The following STX5 variants were observed in gnomAD, a reference collection of about 807,000 sequenced individuals.
STX5 encodes the protein syntaxin 5, also known as syntaxin-5.
A neutral mutation model predicts 42.9 loss-of-function variants in STX5; 15 were observed. The ratio of observed to expected loss-of-function variants is 0.35; its 90% CI spans 0.23 to 0.54. The LOEUF (loss-of-function observed/expected upper bound fraction) is 0.54. Ranked by LOEUF, STX5 falls within the 20% of genes least tolerant of loss-of-function variation. STX5 has a pLI of 0.91. For synonymous variants in STX5, 184 were observed against 173.2 expected (o/e 1.06, Z -0.49); for missense variants, 430 against 455.0 (o/e 0.95, Z 0.50).
rs779963977 is a variant in STX5, at chr11:62,824,467, C to G, written c.778G>C (p.Asp260His). The G allele has an allele frequency of 3.1e-6, 5 of 1,614,048 alleles. No homozygotes were observed. The highest frequency in any genetic ancestry group is 1.3e-5 in the African/African-American group (1 of 74,940). Residue 260 changes from aspartate to histidine, a missense_variant, in exon 9 of 11, where the codon GAC becomes CAC. Asp to His is a moderately conservative substitution (Grantham distance 81, BLOSUM62 -1). Coordinates refer to ENST00000294179, the MANE Select transcript of STX5 (RefSeq NM_003164.5). ...SRTSQQLQLI[D>H]EQDSYIQSRA... Reference sequence around the variant, plus strand: ...GTTCAGAGCCTGGGTACCTGCTCGTCAATGAGCTGCAGCTGCTGGCTGGTC... The same window carrying G: ...GTTCAGAGCCTGGGTACCTGCTCGTGAATGAGCTGCAGCTGCTGGCTGGTC...
At chr11:62,812,137 G>A (rs1208083972) in intron 10 of STX5, among the ~76,000 whole-genome samples, 1 of 147,618 alleles carries the variant, frequency 6.8e-6, no homozygotes, top group Non-Finnish European at 1.5e-5. Context: ...GAGTGCAATG[G>A]TGCGATCTCA....
chr11:62,823,053 C>T (rs759997002), intron 10 of STX5, among the ~76,000 whole-genome samples: 1 of 152,190 alleles, frequency 6.6e-6, no homozygotes, highest in Non-Finnish European at 1.5e-5. Context: ...GCTGTCTCCT[C>T]GGCCTAGAAC....
intron 8 of STX5, among the ~76,000 whole-genome samples, chr11:62,824,795 CG>C (rs2084776846): frequency 1.3e-5 from 2 of 151,074 alleles, no homozygotes; most frequent in African/African-American, 2.5e-5. Flanking sequence ...ATAAAGTGTA[CG>C]AAAAAAAATT....
Position 62,824,453 on chromosome 11 carries a change from G to A in STX5, c.786+6C>T, listed in dbSNP as rs756722859. ...GCTGATTCTACCTAGTTCAGAGCCT[G>A]GGTACCTGCTCGTCAATGAGCTGCA... On this transcript the variant is annotated splice_donor_region_variant and intron_variant, in intron 9 of 10. Coordinates refer to ENST00000294179, the MANE Select transcript of STX5 (RefSeq NM_003164.5). 5.0e-6 allele frequency: 8 copies of A among 1,614,080 alleles called. No homozygotes were observed. The highest frequency in any genetic ancestry group is 1.3e-5 in the African/African-American group (1 of 75,034).
chr11:62,813,257 G>A (rs762797944), intron 10 of STX5, among the ~76,000 whole-genome samples: 8 of 152,126 alleles, frequency 5.3e-5, no homozygotes. Context: ...CTGGGTGACA[G>A]AGTGAGACTG....
At chr11:62,814,800 G>T (rs1041265304) in intron 10 of STX5, among the ~76,000 whole-genome samples, 1 of 150,658 alleles carries the variant, frequency 6.6e-6, no homozygotes, top group Non-Finnish European at 1.5e-5. Context: ...CTCCATGTTG[G>T]TCAGGCTGGT....
At position 62,831,186 on chromosome 11, in the gene STX5, G is replaced by T; in HGVS notation, c.58C>A (p.Leu20Ile). ...KNTDQGVYLG[L>I]SKTQVLSPAT... is the part of the protein sequence containing the mutation. ...GGGGACAGGACCTGTGTCTTTGAGA[G>T]ACCCAGGTAGACACCCTGATCCGTG... Residue 20 changes from leucine (L) to isoleucine (I), a missense_variant, in exon 2 of 11, where the codon CTC becomes ATC. Leu to Ile is a conservative substitution (Grantham distance 5). Coordinates refer to ENST00000294179, the MANE Select transcript of STX5 (RefSeq NM_003164.5). 1 of 1,565,696 alleles carries T rather than the reference G, an allele frequency of 6.4e-7. No individual in the cohort carries two copies. Among genetic ancestry groups the T allele is most frequent in the South Asian group, 1.2e-5 (1 of 85,352 alleles).
At chr11:62,809,064 C>T (rs1048665320) in intron 10 of STX5, among the ~76,000 whole-genome samples, 10 of 147,548 alleles carry the variant, frequency 6.8e-5, no homozygotes, top group East Asian at 6.3e-4. Flanking sequence ...CGAGGCAGGC[C>T]GATCACGAAG....
chr11:62,808,704 G>A (rs192265852), intron 10 of STX5, among the ~76,000 whole-genome samples: 2 of 152,296 alleles, frequency 1.3e-5, no homozygotes, highest in Middle Eastern at 3.4e-3. Context: ...GGCTCTTGGA[G>A]CCAATGCCCC....
rs766289282 is a variant in STX5 at position 62,825,537 on chromosome 11, G to A, written c.426C>T (p.Asp142=). ...CAATTTGTTTGTTGAGGCTATTGAT[G>A]TCCTGGTAAAAGAGTCCAAGGAAAA... ...IEELTYIIKQ[D]INSLNKQIAQ... is the part of the protein sequence containing the mutation. Residue 142 remains aspartate, a splice_region_variant and synonymous_variant, in exon 6 of 11, where the codon GAC becomes GAT. Transcript: ENST00000294179. 7 of 1,613,258 alleles carry A rather than the reference G, an allele frequency of 4.3e-6. No homozygotes were observed. Among genetic ancestry groups the A allele is most frequent in the African/African-American group, 1.3e-5 (1 of 74,910 alleles).
At chr11:62,820,672 C>A (rs1260832702) in intron 10 of STX5, among the ~76,000 whole-genome samples, 2 of 151,520 alleles carry the variant, frequency 1.3e-5, no homozygotes, top group African/African-American at 2.4e-5. Context: ...CCACGCCCGG[C>A]TAATTTTTTG....
chr11:62,807,592 A>C lies in STX5; in HGVS notation c.945T>G (p.Val315=). ...TGAGGATCTCTGAATGGGCGGCCTC[A>C]ACGTCCAGCTGGGCTCCTAGCACGT... ...DENVLGAQLD[V]EAAHSEILKY... Residue 315 remains valine (V), a synonymous_variant, in exon 11 of 11, where the codon GTT becomes GTG. Transcript: ENST00000294179. 1.2e-6 allele frequency: 2 copies of C among 1,614,146 alleles called. No homozygotes were observed. The highest frequency in any genetic ancestry group is 1.7e-6 in the Non-Finnish European group (2 of 1,180,034).
At chr11:62,822,662 C>A (rs1053546448) in intron 10 of STX5, among the ~76,000 whole-genome samples, 7 of 151,018 alleles carry the variant, frequency 4.6e-5, no homozygotes, top group Non-Finnish European at 1.0e-4. Flanking sequence ...TTAGTTTATC[C>A]TGTGTTGACT....
At chr11:62,828,490 G>A (rs570859370) in intron 2 of STX5, among the ~76,000 whole-genome samples, 16 of 152,262 alleles carry the variant, frequency 1.1e-4, no homozygotes, top group Admixed American at 3.9e-4. Flanking sequence ...ACTTTGGAAA[G>A]CTGAGGCAGG....
At chr11:62,808,335 A>C (rs935161544) in intron 10 of STX5, among the ~76,000 whole-genome samples, 2 of 151,282 alleles carry the variant, frequency 1.3e-5, no homozygotes, top group Admixed American at 1.3e-4. Flanking sequence ...CTGAGGTGGG[A>C]GGATAGCTTG....
chr11:62,813,611 G>T (rs1049102203), intron 10 of STX5, among the ~76,000 whole-genome samples: 2 of 152,156 alleles, frequency 1.3e-5, no homozygotes, highest in Non-Finnish European at 2.9e-5. Context: ...AGTTTCACAT[G>T]ATCAACAACG....
At chr11:62,826,154 T>A (rs767649254) in intron 5 of STX5, among the ~76,000 whole-genome samples, 6 of 152,016 alleles carry the variant, frequency 3.9e-5, no homozygotes, top group Admixed American at 6.6e-5. Flanking sequence ...CTTGGGATGC[T>A]GAGGCAAAAG....
chr11:62,825,631 G>C (rs999502569), intron 5 of STX5, 92 bp from the exon 6 acceptor site: 18 of 1,158,946 alleles, frequency 1.6e-5, no homozygotes, highest in Non-Finnish European at 2.3e-5. Context: ...GGAAGGACAA[G>C]GTGGAAGTTA....
rs371211777 is a variant in STX5, at chr11:62,827,116, G to T, written c.423+39C>A. 5.0e-6 allele frequency: 8 copies of T among 1,587,686 alleles called. No homozygotes were observed. In the African/African-American group the frequency reaches 1.1e-4, roughly 21 times the overall value. ...AATGACAGGAAGACAGAAGTGATCTGATTGGAATGCTGGGCTCTCCTGATG... is the reference window on the plus strand; with the variant it reads ...AATGACAGGAAGACAGAAGTGATCTTATTGGAATGCTGGGCTCTCCTGATG... On this transcript the variant is annotated intron_variant, in intron 5 of 10. Coordinates refer to ENST00000294179, the MANE Select transcript of STX5 (RefSeq NM_003164.5).
Sources: gnomAD v4.1 joint callset for allele counts (sites outside exome capture counted in the v4.1 genomes callset) on GRCh38, gnomAD v4.1.1 for gene constraint, MANE v1.5 for transcripts, NCBI Gene and HGNC (gene_info 2026-07-23, HGNC 2026-07-21) for gene names.